The following TPST2 variants were observed in gnomAD, a reference collection of about 807,000 sequenced individuals.
The protein encoded by TPST2 is protein-tyrosine sulfotransferase 2.
A neutral mutation model predicts 27.8 loss-of-function variants in TPST2; 16 were observed. The ratio of observed to expected loss-of-function variants is 0.58; its 90% confidence interval spans 0.39 to 0.88. The LOEUF (loss-of-function observed/expected upper bound fraction) is 0.88, where lower values mean the gene tolerates loss of function less well. Among genes scored for constraint, TPST2 ranks in the 40% least tolerant of loss-of-function variants. TPST2 has a pLI of 0.00. For missense variants in TPST2, 464 were observed against 543.1 expected (o/e 0.85, Z 1.45); for synonymous variants, 229 against 231.7 (o/e 0.99, Z 0.10).
chr22:26,527,198 A>G (rs1924891190), intron 6 of TPST2, among the ~76,000 whole-genome samples: 1 of 152,254 alleles, frequency 6.6e-6, no homozygotes, highest in South Asian at 2.1e-4. Flanking sequence ...CTGATTGTTT[A>G]AAAATAGATA....
rs1927928208 is a variant in TPST2, at chr22:26,578,030, T to G, written c.-161+12023A>C. Among the ~76,000 whole-genome samples, 2 of 152,176 alleles carry G rather than the reference T, an allele frequency of 1.3e-5. 1 individual carries two copies. The highest frequency in any genetic ancestry group is 4.1e-4 in the South Asian group (2 of 4,832). ...CTGGAGGAAGGAATATCAGTAATGT[T>G]CATGAGTAAACATCAAAATGTATTA... On this transcript the variant is annotated intron_variant, in intron 1 of 6. Transcript: ENST00000338754.
At chr22:26,579,092 G>A (rs1376366829) in intron 1 of TPST2, among the ~76,000 whole-genome samples, 1 of 152,168 alleles carries the variant, frequency 6.6e-6, no homozygotes. Context: ...GCTCACGCAA[G>A]TGATCCGCCC....
At chr22:26,588,988 C>G (rs991500413) in intron 1 of TPST2, among the ~76,000 whole-genome samples, 3 of 152,154 alleles carry the variant, frequency 2.0e-5, no homozygotes, top group East Asian at 1.9e-4. Flanking sequence ...CCCAACAATA[C>G]CAGGAGAATG....
At chr22:26,550,223 G>A (rs1569185186) in intron 1 of TPST2, among the ~76,000 whole-genome samples, 1 of 152,064 alleles carries the variant, frequency 6.6e-6, no homozygotes, top group Admixed American at 6.6e-5. Flanking sequence ...GCGGGGCCCT[G>A]CTCAAGATAC....
At chr22:26,549,137 G>A (rs1223703449) in intron 1 of TPST2, among the ~76,000 whole-genome samples, 2 of 152,130 alleles carry the variant, frequency 1.3e-5, no homozygotes, top group Admixed American at 6.5e-5. Flanking sequence ...AGGGCATGTC[G>A]GAACAGCACC....
rs8142735 is a variant in TPST2 at position 26,570,045 on chromosome 22, C to A, written c.-161+20008G>T. On this transcript the variant is annotated intron_variant, in intron 1 of 6. Transcript: ENST00000338754. ...AAAGAAAGAAAGAAAGAAAGAAAGA[C>A]AGAAAGAAAGAAAGAAAGAAGGAAA... Among the ~76,000 whole-genome samples, 781 of 96,686 alleles carry A rather than the reference C, an allele frequency of 8.1e-3. 8 individuals are homozygous for A. Among genetic ancestry groups the A allele is most frequent in the Middle Eastern group, 0.022 (4 of 184 alleles). 63.4% of individuals were successfully genotyped at this position (96,686 alleles called of 152,430 possible).
chr22:26,536,231 C>G (rs1194589818), intron 4 of TPST2, 57 bp downstream of exon 4: 1 of 1,591,374 alleles, frequency 6.3e-7, no homozygotes, highest in Non-Finnish European at 8.6e-7. Flanking sequence ...GTTTCCACAT[C>G]TGCAGAAGCC....
chr22:26,540,261 T>C (rs1461044125), intron 3 of TPST2, among the ~76,000 whole-genome samples: 1 of 152,194 alleles, frequency 6.6e-6, no homozygotes, highest in Non-Finnish European at 1.5e-5. Context: ...ATCTGTGCTC[T>C]TAACCTTTAC....
intron 1 of TPST2, among the ~76,000 whole-genome samples, chr22:26,561,968 C>T (rs1490227352): frequency 1.3e-5 from 2 of 152,212 alleles, no homozygotes; most frequent in African/African-American, 4.8e-5. Flanking sequence ...AAAGCCAGAG[C>T]ACAACTCCCA....
chr22:26,577,649 A>ATTT (rs771843747), intron 1 of TPST2, among the ~76,000 whole-genome samples: 11 of 93,382 alleles, frequency 1.2e-4, no homozygotes, highest in African/African-American at 2.2e-4. Flanking sequence ...GCACCCGGCC[A>ATTT]TTTTTTTTTT....
intron 1 of TPST2, among the ~76,000 whole-genome samples, chr22:26,564,066 C>T (rs1047407344): frequency 2.6e-5 from 4 of 152,112 alleles, no homozygotes; most frequent in Admixed American, 2.6e-4. Flanking sequence ...TTTGTGTTGC[C>T]GGAGGTTGCC....
intron 1 of TPST2, among the ~76,000 whole-genome samples, chr22:26,577,095 CAA>C (rs34865016): frequency 2.8e-4 from 21 of 75,492 alleles, no homozygotes; most frequent in Middle Eastern, 8.1e-3. Context: ...GACTCTGTTG[CAA>C]AAAAAAAAAA....
At chr22:26,555,777 G>A (rs574261347) in intron 1 of TPST2, among the ~76,000 whole-genome samples, 16 of 152,332 alleles carry the variant, frequency 1.1e-4, no homozygotes, top group African/African-American at 3.6e-4. Flanking sequence ...CCAACAGACA[G>A]GCACCACAAC....
At chr22:26,570,835 C>G (rs1029826120) in intron 1 of TPST2, among the ~76,000 whole-genome samples, 1 of 152,138 alleles carries the variant, frequency 6.6e-6, no homozygotes, top group African/African-American at 2.4e-5. Context: ...TTCTTTCTCA[C>G]CCTAATCCAA....
intron 1 of TPST2, among the ~76,000 whole-genome samples, chr22:26,581,990 A>G (rs1366904856): frequency 6.6e-6 from 1 of 152,218 alleles, no homozygotes; most frequent in East Asian, 1.9e-4. Flanking sequence ...AGCGGGCCGG[A>G]TGTGGCCTAT....
At chr22:26,572,088 C>A (rs1927650527) in intron 1 of TPST2, among the ~76,000 whole-genome samples, 1 of 152,160 alleles carries the variant, frequency 6.6e-6, no homozygotes, top group African/African-American at 2.4e-5. Context: ...TTCTATCAGC[C>A]CCAAGGGTGC....
At chr22:26,558,901 G>A (rs1926941225) in intron 1 of TPST2, among the ~76,000 whole-genome samples, 1 of 152,230 alleles carries the variant, frequency 6.6e-6, no homozygotes, top group African/African-American at 2.4e-5. Context: ...ATGTTGCGCT[G>A]TGCTAAGCCA....
At chr22:26,532,047 T>C (rs1047197113) in intron 5 of TPST2, among the ~76,000 whole-genome samples, 6 of 152,210 alleles carry the variant, frequency 3.9e-5, no homozygotes, top group African/African-American at 1.2e-4. Context: ...GGTGAGAGGA[T>C]TGCTTGAGCC....
Position 26,524,025 on chromosome 22 carries a change from G to A in TPST2, c.*2250C>T, listed in dbSNP as rs928149150. 11 of 152,104 alleles carry A rather than the reference G, an allele frequency of 7.2e-5. No homozygotes were observed. The highest frequency in any genetic ancestry group is 2.7e-4 in the African/African-American group (11 of 41,402). 9.4% of individuals were successfully genotyped at this position (152,104 alleles called of 1,614,324 possible). On this transcript the variant is annotated 3_prime_UTR_variant, in exon 7 of 7. Transcript: ENST00000338754. ...TGTGGTGATGGGATACATAGCTGTC[G>A]CCAGATTCTCAAAGGGACAGTGTCA...
Sources: allele counts gnomAD v4.1 joint callset (sites outside exome capture counted in the v4.1 genomes callset), GRCh38; gene constraint gnomAD v4.1.1; transcripts MANE v1.5; gene names NCBI Gene and HGNC (gene_info 2026-07-23, HGNC 2026-07-21).